SNRPN: variants seen among roughly 807,000 people sequenced by gnomAD.
SNRPN encodes small nuclear ribonucleoprotein-associated protein N.
SNRPN carries 7 observed loss-of-function variants against 25.2 expected under a neutral mutation model. The observed-to-expected ratio is 0.28, with a 90% confidence interval of 0.16 to 0.52. The LOEUF is 0.52. SNRPN is among the 20% of genes least tolerant of loss of function. The pLI is 0.96. For missense variants in SNRPN, 196 were observed against 322.5 expected, an observed-to-expected ratio of 0.61 and a Z score of 3.00; for synonymous variants, 124 against 110.6, an observed-to-expected ratio of 1.12 and a Z score of -0.76.
upstream of SNRPN, chr15:24,851,887 T>C (rs2052880283): frequency 6.6e-6 from 1 of 152,154 alleles, no homozygotes; most frequent in African/African-American, 2.4e-5. Context: ...ACTCGCCCCA[T>C]CCCACCCTGA....
At chr15:24,859,826 A>G (rs2053825997) in intron 1 of SNRPN, among the ~76,000 whole-genome samples, 1 of 152,220 alleles carries the variant, frequency 6.6e-6, no homozygotes, top group Non-Finnish European at 1.5e-5. Flanking sequence ...TTTAGACCAT[A>G]TAAAGTAACT....
chr15:24,828,794 C>A (rs2050282096), intron 1 of SNRPN, among the ~76,000 whole-genome samples: 1 of 151,874 alleles, frequency 6.6e-6, no homozygotes, highest in African/African-American at 2.4e-5. Flanking sequence ...GTAGCTGAAT[C>A]TTGGAAATCA....
intron 2 of SNRPN, among the ~76,000 whole-genome samples, chr15:24,834,307 C>A (rs2050822575): frequency 6.6e-6 from 1 of 151,968 alleles, no homozygotes; most frequent in African/African-American, 2.4e-5. Flanking sequence ...TCTTCCTGGA[C>A]TTGGGAGTGG....
intron 2 of SNRPN, among the ~76,000 whole-genome samples, chr15:24,917,621 G>A (rs1038918798): frequency 5.3e-5 from 8 of 152,218 alleles, no homozygotes; most frequent in African/African-American, 1.2e-4. Context: ...GGTGACGTGT[G>A]GGGGCGCAGT....
intron 3 of SNRPN, among the ~76,000 whole-genome samples, chr15:24,945,050 G>A (rs1293596598): frequency 6.6e-6 from 1 of 152,120 alleles, no homozygotes; most frequent in East Asian, 1.9e-4. Context: ...CCAGGTTAAT[G>A]TTTGACCAAA....
chr15:24,946,275 C>A (rs957400862), intron 3 of SNRPN, among the ~76,000 whole-genome samples: 3 of 152,094 alleles, frequency 2.0e-5, no homozygotes, highest in Admixed American at 6.5e-5. Flanking sequence ...GGCATGGTTC[C>A]TTATGCCTGT....
In SNRPN at chr15:24,928,807, C is replaced by T. The variant is rs142964594; in HGVS notation, c.-391+8683C>T. 3.2e-3 allele frequency among the ~76,000 whole-genome samples: 483 copies of T among 152,094 alleles called. 9 individuals are homozygous for T. The highest frequency in any genetic ancestry group is 0.011 in the African/African-American group (460 of 41,490). On this transcript the variant is annotated intron_variant, in intron 3 of 11. Coordinates refer to the SNRPN transcript ENST00000400097. ...ATTTTCTATAAAGGTGGGGTCTTGCCATGTTGCCCAGGCTAGTCTCAAACT... is the reference window on the plus strand; with the variant it reads ...ATTTTCTATAAAGGTGGGGTCTTGCTATGTTGCCCAGGCTAGTCTCAAACT...
chr15:24,941,365 T>C (rs1012087683), intron 3 of SNRPN, among the ~76,000 whole-genome samples: 1 of 152,256 alleles, frequency 6.6e-6, no homozygotes, highest in Admixed American at 6.5e-5. Flanking sequence ...TTCTGATTTC[T>C]GTAACTGGTC....
At chr15:24,837,394 G>T (rs1283281152) in intron 2 of SNRPN, among the ~76,000 whole-genome samples, 1 of 149,988 alleles carries the variant, frequency 6.7e-6, no homozygotes, top group Non-Finnish European at 1.5e-5. Flanking sequence ...TTGAGGTGGA[G>T]TCTCACTGTG....
chr15:24,934,230 G>A (rs1031853095), intron 3 of SNRPN, among the ~76,000 whole-genome samples: 7 of 151,938 alleles, frequency 4.6e-5, no homozygotes. Flanking sequence ...CCTGGGAGGC[G>A]GAGGTTGCAG....
At chr15:24,903,763 G>A (rs2058613614) in intron 2 of SNRPN, among the ~76,000 whole-genome samples, 1 of 152,208 alleles carries the variant, frequency 6.6e-6, no homozygotes, top group Non-Finnish European at 1.5e-5. Context: ...GCCAAGCGCG[G>A]TGGCTCACAC....
chr15:24,912,187 C>T (rs2152220242), intron 2 of SNRPN, among the ~76,000 whole-genome samples: 1 of 152,320 alleles, frequency 6.6e-6, no homozygotes. Flanking sequence ...CGAGCTATGT[C>T]ACCCAGGCTG....
chr15:24,908,652 G>T (rs1250179268), intron 2 of SNRPN, among the ~76,000 whole-genome samples: 1 of 151,846 alleles, frequency 6.6e-6, no homozygotes, highest in Non-Finnish European at 1.5e-5. Flanking sequence ...GCTGGTTACA[G>T]GGAGAAGGCC....
intron 3 of SNRPN, among the ~76,000 whole-genome samples, chr15:24,974,051 A>G (rs1041238896): frequency 2.0e-5 from 3 of 152,318 alleles, no homozygotes; most frequent in African/African-American, 4.8e-5. Flanking sequence ...TAAATTTGGG[A>G]AAATGACGCT....
At chr15:24,977,437 G>C (rs565074398) in intron 7 of SNRPN, among the ~76,000 whole-genome samples, 1 of 152,086 alleles carries the variant, frequency 6.6e-6, no homozygotes, top group Non-Finnish European at 1.5e-5. Flanking sequence ...TCAGGAGTTC[G>C]ACACCAGCCC....
At chr15:24,885,192 G>A (rs1336122159) in intron 1 of SNRPN, among the ~76,000 whole-genome samples, 3 of 152,178 alleles carry the variant, frequency 2.0e-5, no homozygotes, top group Non-Finnish European at 4.4e-5. Context: ...TTGTGTTGTT[G>A]TAGGAGTGTA....
At chr15:24,874,333 A>AAG (rs397853885) in intron 1 of SNRPN, among the ~76,000 whole-genome samples, 1 of 146,384 alleles carries the variant, frequency 6.8e-6, no homozygotes, top group Non-Finnish European at 1.5e-5. Flanking sequence ...AAAAAAAAAA[A>AAG]GGCAGAGTGG....
intron 2 of SNRPN, among the ~76,000 whole-genome samples, chr15:24,837,625 A>T (rs140984085): frequency 0.083 from 12,534 of 151,410 alleles, 706 homozygotes; most frequent in Middle Eastern, 0.17. Context: ...CGCCTCGGCC[A>T]CCCAAAGTGC....
intron 1 of SNRPN, among the ~76,000 whole-genome samples, chr15:24,959,148 C>T (rs1443037868): frequency 1.3e-5 from 2 of 152,118 alleles, no homozygotes; most frequent in East Asian, 3.8e-4. Context: ...TGTAAGTGAT[C>T]TGAGGGCAAA....
Sources: gnomAD v4.1 joint callset for allele counts (sites outside exome capture counted in the v4.1 genomes callset) on GRCh38, gnomAD v4.1.1 for gene constraint, MANE v1.5 for transcripts, NCBI Gene and HGNC (gene_info 2026-07-23, HGNC 2026-07-21) for gene names.